The following TRPM7 variants were observed in gnomAD, a reference collection of about 807,000 sequenced individuals.
TRPM7 encodes transient receptor potential cation channel subfamily M member 7, also known as LTRPC ion channel family member 7.
A neutral mutation model predicts 229.7 loss-of-function variants in TRPM7; 134 were observed. The ratio of observed to expected loss-of-function variants is 0.58; its 90% CI spans 0.51 to 0.67. The LOEUF is 0.67. Among genes scored for constraint, TRPM7 ranks in the 30% least tolerant of loss-of-function variants. The pLI, the probability that TRPM7 is intolerant of heterozygous loss-of-function variation, is 0.00. For missense variants in TRPM7, 1,901 were observed against 2,210.0 expected, an observed-to-expected ratio of 0.86 and a Z score of 2.80; for synonymous variants, 699 against 715.2, an observed-to-expected ratio of 0.98 and a Z score of 0.36.
chr15:50,564,259 A>AT (rs1566928090), intron 38 of TRPM7, among the ~76,000 whole-genome samples: 81 of 45,454 alleles, frequency 1.8e-3, no homozygotes, highest in African/African-American at 6.4e-3. Flanking sequence ...AAAATAAAAT[A>AT]AAATAAAATA....
intron 6 of TRPM7, among the ~76,000 whole-genome samples, chr15:50,638,251 C>T (rs1389901361): frequency 1.3e-5 from 2 of 149,706 alleles, no homozygotes; most frequent in Non-Finnish European, 3.0e-5. Flanking sequence ...CCCAGCTACT[C>T]GGGAGGCTGA....
At chr15:50,618,345 C>T (rs1186445988) in intron 13 of TRPM7, among the ~76,000 whole-genome samples, 1 of 151,926 alleles carries the variant, frequency 6.6e-6, no homozygotes, top group African/African-American at 2.4e-5. Context: ...CCAAGGAGGG[C>T]AGATCACGAG....
intron 10 of TRPM7, among the ~76,000 whole-genome samples, chr15:50,629,939 G>A (rs950722687): frequency 6.7e-5 from 9 of 134,454 alleles, no homozygotes; most frequent in Admixed American, 6.4e-4. Flanking sequence ...CTGGCTCACT[G>A]CAACCTCTGC....
intron 1 of TRPM7, among the ~76,000 whole-genome samples, chr15:50,666,958 AC>A (rs1236698008): frequency 1.3e-5 from 2 of 152,142 alleles, no homozygotes; most frequent in Non-Finnish European, 2.9e-5. Context: ...ACTTGCTTTT[AC>A]TTTACTGTAT....
chr15:50,596,083 T>C (rs908265287), intron 23 of TRPM7, among the ~76,000 whole-genome samples, 172 bp downstream of exon 23: 2 of 152,160 alleles, frequency 1.3e-5, no homozygotes, highest in Admixed American at 6.5e-5. Context: ...ACTTAAAATT[T>C]AGAACTCATT....
chr15:50,684,621 C>G (rs2062318559), intron 1 of TRPM7, among the ~76,000 whole-genome samples: 1 of 151,634 alleles, frequency 6.6e-6, no homozygotes, highest in Admixed American at 6.6e-5. Flanking sequence ...GCCTGGGCAA[C>G]AGAGCGAGAC....
At chr15:50,616,351 C>T (rs2060221756) in intron 13 of TRPM7, among the ~76,000 whole-genome samples, 1 of 152,186 alleles carries the variant, frequency 6.6e-6, no homozygotes, top group African/African-American at 2.4e-5. Context: ...CAAATTCTCA[C>T]ATTTGTTTCC....
At chr15:50,686,114 G>A (rs187266579) in intron 1 of TRPM7, among the ~76,000 whole-genome samples, 1 of 152,306 alleles carries the variant, frequency 6.6e-6, no homozygotes, top group Non-Finnish European at 1.5e-5. Context: ...AACTTGAGCA[G>A]AGCATTTGGT....
chr15:50,602,150 T>C (rs576439483), intron 21 of TRPM7, among the ~76,000 whole-genome samples: 47 of 152,172 alleles, frequency 3.1e-4, no homozygotes, highest in African/African-American at 9.9e-4. Context: ...CCGTCAATGA[T>C]AGACTGGATT....
At chr15:50,638,835 T>A (rs1379134024) in intron 6 of TRPM7, among the ~76,000 whole-genome samples, 1 of 151,958 alleles carries the variant, frequency 6.6e-6, no homozygotes, top group Non-Finnish European at 1.5e-5. Context: ...CACAGGCCAC[T>A]ACACCCAGTT....
chr15:50,568,747 G>T (rs972454027), intron 38 of TRPM7, among the ~76,000 whole-genome samples: 1 of 152,146 alleles, frequency 6.6e-6, no homozygotes, highest in Non-Finnish European at 1.5e-5. Context: ...GGCTGACGCA[G>T]GTGGATCACT....
intron 12 of TRPM7, among the ~76,000 whole-genome samples, chr15:50,621,206 C>CA (rs1224190064): frequency 6.8e-6 from 1 of 148,126 alleles, no homozygotes; most frequent in African/African-American, 2.5e-5. Flanking sequence ...TCGATCAACT[C>CA]AGGGGCTAAG....
chr15:50,611,362 A>C, intron 16 of TRPM7, 41 bp from the exon 17 acceptor site: 1 of 1,498,970 alleles, frequency 6.7e-7, no homozygotes, highest in Non-Finnish European at 9.2e-7. Flanking sequence ...AGATTAACAA[A>C]CTGCAATTTT....
chr15:50,633,872 T>C (rs1055950975), intron 8 of TRPM7, among the ~76,000 whole-genome samples: 1 of 152,254 alleles, frequency 6.6e-6, no homozygotes, highest in Non-Finnish European at 1.5e-5. Context: ...TCCATGAAGA[T>C]GGTTTTATTT....
intron 5 of TRPM7, among the ~76,000 whole-genome samples, chr15:50,640,235 G>C (rs557306335): frequency 1.2e-4 from 19 of 152,056 alleles, no homozygotes; most frequent in African/African-American, 4.1e-4. Context: ...AAGTATAAAA[G>C]GCAGTTCCAA....
At chr15:50,593,829 C>G in intron 24 of TRPM7, 80 bp from the exon 25 acceptor site, 3 of 1,405,972 alleles carry the variant, frequency 2.1e-6, no homozygotes, top group African/African-American at 1.4e-5. Context: ...ACGAATTATT[C>G]AGGGTTTCTA....
intron 21 of TRPM7, among the ~76,000 whole-genome samples, chr15:50,600,403 C>T (rs2059747046): frequency 6.7e-6 from 1 of 150,070 alleles, no homozygotes. Context: ...CGCCACTGCA[C>T]TCCAGTCTGG....
chr15:50,612,451 A>G, intron 16 of TRPM7, 98 bp downstream of exon 16: 2 of 1,018,306 alleles, frequency 2.0e-6, no homozygotes, highest in Non-Finnish European at 2.9e-6. Context: ...TTATACATAT[A>G]AATACATCAC....
intron 4 of TRPM7, 79 bp from the exon 5 acceptor site, chr15:50,643,632 A>C (rs1434221381): frequency 9.2e-7 from 1 of 1,086,760 alleles, no homozygotes; most frequent in African/African-American, 1.6e-5. Context: ...GACTTTGGAA[A>C]ATTTTATATG....
Sources: allele counts gnomAD v4.1 joint callset (sites outside exome capture counted in the v4.1 genomes callset), GRCh38; gene constraint gnomAD v4.1.1; transcripts MANE v1.5; gene names NCBI Gene and HGNC (gene_info 2026-07-23, HGNC 2026-07-21).